Variants in SLC9A4 observed in about 807,000 individuals in gnomAD.
The protein encoded by SLC9A4 is sodium/hydrogen exchanger 4.
SLC9A4 carries 63 observed loss-of-function variants against 67.4 expected under a neutral mutation model. The observed-to-expected ratio is 0.93, with a 90% CI of 0.76 to 1.15. The LOEUF is 1.15. Ranked by LOEUF, SLC9A4 falls within the 50% of genes most tolerant of loss-of-function variation. The pLI, the probability that SLC9A4 is intolerant of heterozygous loss-of-function variation, is 0.00. For synonymous variants in SLC9A4, 393 were observed against 367.2 expected, an observed-to-expected ratio of 1.07 and a Z score of -0.80; for missense variants, 1,089 against 987.7, an observed-to-expected ratio of 1.10 and a Z score of -1.38.
intron 6 of SLC9A4, among the ~76,000 whole-genome samples, chr2:102,510,272 C>CAGATACAGATATAGATAT (rs61491026): frequency 0.03 from 3,773 of 126,076 alleles, 79 homozygotes; most frequent in East Asian, 0.052. Context: ...GATACAGATA[C>CAGATACAGATATAGATAT]AGATATAGAT....
In SLC9A4 at chr2:102,479,044, C is replaced by T; in HGVS notation, c.462C>T (p.Asn154=). The change falls in exon 2 of 12, where the codon AAC becomes AAT. Residue 154 remains asparagine (N), a synonymous_variant. Coordinates refer to ENST00000295269, the MANE Select transcript of SLC9A4 (RefSeq NM_001011552.4). The stretch of plus-strand genomic sequence containing the variant: ...TGCCCACCCGGCCCTTCTTTGAGAA[C>T]ATCGGCTCCATCCTGTGGTGGGCAG... ...YFMPTRPFFE[N]IGSILWWAVL... 1 of 1,614,172 alleles carries T rather than the reference C, an allele frequency of 6.2e-7. No homozygotes were observed. Among genetic ancestry groups the T allele is most frequent in the Non-Finnish European group, 8.5e-7 (1 of 1,180,048 alleles).
intron 2 of SLC9A4, among the ~76,000 whole-genome samples, chr2:102,501,406 C>A (rs1684938341): frequency 6.6e-6 from 1 of 151,936 alleles, no homozygotes; most frequent in African/African-American, 2.4e-5. Flanking sequence ...CAGGCATGAG[C>A]CTAATTTTTT....
intron 10 of SLC9A4, 50 bp from the exon 11 acceptor site, chr2:102,526,209 C>T: frequency 1.3e-6 from 2 of 1,582,152 alleles, no homozygotes; most frequent in Non-Finnish European, 8.7e-7. Context: ...ATGTGAAGCT[C>T]TTAATTGAGA....
At chr2:102,517,960 C>A (rs1335651763) in intron 8 of SLC9A4, among the ~76,000 whole-genome samples, 1 of 152,138 alleles carries the variant, frequency 6.6e-6, no homozygotes, top group Non-Finnish European at 1.5e-5. Flanking sequence ...GCTGTATCTC[C>A]TGTGTTTGTG....
chr2:102,474,559 T>C (rs1229819228), intron 1 of SLC9A4, among the ~76,000 whole-genome samples: 1 of 152,190 alleles, frequency 6.6e-6, no homozygotes, highest in Non-Finnish European at 1.5e-5. Flanking sequence ...TATAAGATTA[T>C]ATCTGTCAGT....
intron 2 of SLC9A4, among the ~76,000 whole-genome samples, chr2:102,494,689 A>G (rs1463377092): frequency 6.6e-6 from 1 of 152,102 alleles, no homozygotes; most frequent in African/African-American, 2.4e-5. Context: ...TGATTTGGCT[A>G]CGTTAATATC....
Position 102,510,520 on chromosome 2 carries a change from T to C in SLC9A4, c.1488+1587T>C, listed in dbSNP as rs546478124. On this transcript the variant is annotated intron_variant, in intron 6 of 11. Transcript: ENST00000295269. ...AACTGAATCAGTCCCACCCAGATTA[T>C]CTGGGGTCATCTCCCTTAAGACAAC... is the stretch of plus-strand genomic sequence containing the variant. Among the ~76,000 whole-genome samples, 201 of 152,312 alleles carry C rather than the reference T, an allele frequency of 1.3e-3. 1 individual carries two copies. The highest frequency in any genetic ancestry group is 4.6e-3 in the African/African-American group (191 of 41,566).
intron 2 of SLC9A4, among the ~76,000 whole-genome samples, chr2:102,485,260 G>C (rs928970072): frequency 2.0e-5 from 3 of 152,252 alleles, no homozygotes; most frequent in African/African-American, 7.2e-5. Context: ...TCATTCACTA[G>C]AGTTTATTCT....
intron 2 of SLC9A4, among the ~76,000 whole-genome samples, chr2:102,487,178 G>GGTGTGTGTGTGTGTGTGTGT (rs55756786): frequency 4.9e-4 from 73 of 149,192 alleles, no homozygotes; most frequent in African/African-American, 1.6e-3. Context: ...GCTCACAGCT[G>GGTGTGTGTGTGTGTGTGTGT]GTGTGTGTGT....
intron 2 of SLC9A4, among the ~76,000 whole-genome samples, chr2:102,487,209 C>G: frequency 1.1e-5 from 1 of 89,156 alleles, no homozygotes; most frequent in East Asian, 2.7e-4. Flanking sequence ...GTGTGTGTCA[C>G]AGGCAGAGGG....
At chr2:102,514,808 T>G (rs1165087354) in intron 8 of SLC9A4, among the ~76,000 whole-genome samples, 1 of 152,156 alleles carries the variant, frequency 6.6e-6, no homozygotes, top group Admixed American at 6.5e-5. Context: ...CTTGAGTCTA[T>G]GTGAGACCAG....
At chr2:102,479,350 G>C in intron 2 of SLC9A4, 48 bp downstream of exon 2, 1 of 1,534,702 alleles carries the variant, frequency 6.5e-7, no homozygotes, top group Non-Finnish European at 8.7e-7. Flanking sequence ...TGAGGGTTCG[G>C]GGTGGGGCTG....
chr2:102,499,347 T>G (rs1321905792), intron 2 of SLC9A4, among the ~76,000 whole-genome samples: 2 of 152,210 alleles, frequency 1.3e-5, no homozygotes, highest in Non-Finnish European at 2.9e-5. Flanking sequence ...GTAGTAGTTT[T>G]CTCTAGGAGG....
Position 102,526,259 on chromosome 2 carries a change from G to A in SLC9A4, c.1951G>A (p.Ala651Thr). Residue 651 changes from alanine (A) to threonine (T), a missense_variant and splice_region_variant, in exon 11 of 12, where the codon GCT becomes ACT. Coordinates refer to ENST00000295269, the MANE Select transcript of SLC9A4 (RefSeq NM_001011552.4). ...KGHSLPWGKP[A>T]GTKNIRYLSY... Reference sequence around the variant, plus strand: ...TTTTCTTTCTACTTGCTACCCACAGGCTGGCACCAAGAATATCCGCTACCT... The same window carrying A: ...TTTTCTTTCTACTTGCTACCCACAGACTGGCACCAAGAATATCCGCTACCT... 1 of 1,613,280 alleles carries A rather than the reference G, an allele frequency of 6.2e-7. No homozygotes were observed. The highest frequency in any genetic ancestry group is 8.5e-7 in the Non-Finnish European group (1 of 1,179,474).
chr2:102,497,984 A>G (rs986840983), intron 2 of SLC9A4, among the ~76,000 whole-genome samples: 10 of 152,226 alleles, frequency 6.6e-5, no homozygotes, highest in African/African-American at 2.2e-4. Context: ...AAGGATCATA[A>G]TTATTATAAT....
rs575168154 is a variant in SLC9A4 at position 102,527,872 on chromosome 2, G to A, written c.2038+1526G>A. On this transcript the variant is annotated intron_variant, in intron 11 of 11. Transcript: ENST00000295269. ...ATTTTGGAAACAATGATATTTCTTG[G>A]GGTGAAGTTTTCTGTTCCTGCCTTT... is the stretch of plus-strand genomic sequence containing the variant. Among the ~76,000 whole-genome samples, 687 of 152,028 alleles carry A rather than the reference G, an allele frequency of 4.5e-3. 6 individuals are homozygous for A. Among genetic ancestry groups the A allele is most frequent in the African/African-American group, 0.015 (631 of 41,490 alleles).
chr2:102,487,607 C>T (rs1309279082), intron 2 of SLC9A4, among the ~76,000 whole-genome samples: 1 of 152,172 alleles, frequency 6.6e-6, no homozygotes, highest in African/African-American at 2.4e-5. Context: ...TCATTTTCTT[C>T]TGGCTAAATA....
chr2:102,475,063 A>G (rs1684298656), intron 1 of SLC9A4, among the ~76,000 whole-genome samples: 1 of 152,164 alleles, frequency 6.6e-6, no homozygotes, highest in South Asian at 2.1e-4. Context: ...TATAGTTGCT[A>G]TTCATTTTGA....
chr2:102,503,564 G>A lies in SLC9A4; in HGVS notation c.837G>A (p.Leu279=), dbSNP rs866889679. The A allele has an allele frequency of 6.2e-7, 1 of 1,614,010 alleles. No homozygotes were observed. The highest frequency in any genetic ancestry group is 8.5e-7 in the Non-Finnish European group (1 of 1,180,030). ...RFIVVGLGGV[L]FGIVFGFISA... is the part of the protein sequence containing the mutation. ...TCGTTGTGGGGCTTGGAGGGGTATT[G>A]TTTGGCATCGTTTTTGGATTTATTT... The change falls in exon 3 of 12, where the codon TTG becomes TTA. Residue 279 remains leucine, a synonymous_variant. Coordinates refer to ENST00000295269, the MANE Select transcript of SLC9A4 (RefSeq NM_001011552.4).
Sources: gnomAD v4.1 joint callset for allele counts (sites outside exome capture counted in the v4.1 genomes callset) on GRCh38, gnomAD v4.1.1 for gene constraint, MANE v1.5 for transcripts, NCBI Gene and HGNC (gene_info 2026-07-23, HGNC 2026-07-21) for gene names.